The following CAST variants were observed in gnomAD, a reference collection of about 807,000 sequenced individuals.
The protein encoded by CAST is MIR583 host.
CAST carries 76 observed loss-of-function variants against 119.6 expected under a neutral mutation model. The observed-to-expected ratio is 0.64, with a 90% CI of 0.53 to 0.77. CAST has a LOEUF of 0.77. Ranked by LOEUF, CAST falls within the 30% of genes least tolerant of loss-of-function variation. CAST has a pLI of 0.00. For missense variants in CAST, 953 were observed against 946.5 expected, an observed-to-expected ratio of 1.01 and a Z score of -0.09; for synonymous variants, 319 against 331.6, an observed-to-expected ratio of 0.96 and a Z score of 0.41.
At chr5:96,627,745 G>A (rs1747750455) in intron 1 of CAST, among the ~76,000 whole-genome samples, 1 of 152,242 alleles carries the variant, frequency 6.6e-6, no homozygotes, top group Non-Finnish European at 1.5e-5. Flanking sequence ...ATGAGAGAAG[G>A]AGAGGAACCT....
intron 9 of CAST, among the ~76,000 whole-genome samples, chr5:96,732,064 T>C (rs1356424357): frequency 6.7e-6 from 1 of 149,980 alleles, no homozygotes; most frequent in East Asian, 2.0e-4. Context: ...TCTAGATCCC[T>C]GAGGAATCGC....
chr5:96,023,252 G>C, the CAST span, among the ~76,000 whole-genome samples: 1 of 152,186 alleles, frequency 6.6e-6, no homozygotes, highest in Non-Finnish European at 1.5e-5. Flanking sequence ...AGGAAACCTG[G>C]ATGTAAGAGG....
chr5:96,677,851 C>T (rs1334724812), intron 2 of CAST, among the ~76,000 whole-genome samples: 2 of 152,142 alleles, frequency 1.3e-5, no homozygotes, highest in Non-Finnish European at 2.9e-5. Context: ...TTCTAGAGCT[C>T]TTCTCTCTCC....
At chr5:96,029,225 A>G in the CAST span, among the ~76,000 whole-genome samples, 7 of 152,304 alleles carry the variant, frequency 4.6e-5, no homozygotes, top group African/African-American at 1.7e-4. Flanking sequence ...AGGTGAAACA[A>G]CTGAAAAATT....
chr5:96,276,174 A>G, the CAST span, among the ~76,000 whole-genome samples: 1 of 152,178 alleles, frequency 6.6e-6, no homozygotes, highest in Non-Finnish European at 1.5e-5. Flanking sequence ...GAGGAATGAT[A>G]GGGCCTGATT....
chr5:96,640,249 G>T (rs10063542), intron 1 of CAST, among the ~76,000 whole-genome samples: 3 of 152,170 alleles, frequency 2.0e-5, no homozygotes, highest in African/African-American at 4.8e-5. Context: ...CTTGGATTAC[G>T]CTGGGCTTTA....
intron 1 of CAST, among the ~76,000 whole-genome samples, chr5:96,640,483 C>T (rs1209636956): frequency 6.6e-6 from 1 of 152,206 alleles, no homozygotes; most frequent in East Asian, 1.9e-4. Context: ...AAAACACCTA[C>T]AAAATATCAT....
At chr5:96,520,526 AGT>A (rs952718225), upstream of CAST, among the ~76,000 whole-genome samples, 11 of 151,124 alleles carry the variant, frequency 7.3e-5, no homozygotes, top group Admixed American at 2.0e-4. Context: ...TGTTTGTGTC[AGT>A]GTGTGTGTGT....
chr5:96,153,405 A>G, the CAST span, among the ~76,000 whole-genome samples: 1 of 152,198 alleles, frequency 6.6e-6, no homozygotes, highest in East Asian at 1.9e-4. Flanking sequence ...TTCCTTGACT[A>G]GGCCCTGTCC....
intron 1 of CAST, among the ~76,000 whole-genome samples, chr5:96,559,562 TAACA>T (rs1365079886): frequency 4.0e-5 from 6 of 150,934 alleles, no homozygotes; most frequent in African/African-American, 1.2e-4. Context: ...TATACACCAA[TAACA>T]AACAGAGAGC....
In CAST at chr5:96,616,725, G is replaced by GCT. The variant is rs1482470800; in HGVS notation, c.61-58812_61-58811dup. Among the ~76,000 whole-genome samples, 579 of 138,348 alleles carry GCT rather than the reference G, an allele frequency of 4.2e-3. 9 individuals are homozygous for GCT. The highest frequency in any genetic ancestry group is 0.015 in the African/African-American group (544 of 35,122). The allele number at this position is 138,348 out of a possible 152,430, so 90.8% of individuals were successfully genotyped here. On this transcript the variant is annotated intron_variant, in intron 1 of 11. Transcript: ENST00000505143. ...GTGGCCTCTTAGACACCAAGCGCTC[G>GCT]CTCGCTCTCTCTCTCTCTCTATATA...
At chr5:96,102,681 C>G in the CAST span, among the ~76,000 whole-genome samples, 2 of 151,536 alleles carry the variant, frequency 1.3e-5, no homozygotes, top group African/African-American at 2.4e-5. Context: ...CTTGCCTAAC[C>G]AGCATTGTTT....
At chr5:96,630,244 G>A (rs911206098) in intron 1 of CAST, among the ~76,000 whole-genome samples, 13 of 152,126 alleles carry the variant, frequency 8.5e-5, no homozygotes, top group South Asian at 4.1e-4. Flanking sequence ...ATGCAGTGAC[G>A]GAAAAATGAA....
intron 3 of CAST, among the ~76,000 whole-genome samples, chr5:96,721,221 G>A (rs1362052115): frequency 6.6e-6 from 1 of 152,034 alleles, no homozygotes; most frequent in Admixed American, 6.6e-5. Context: ...TTGGTGGAAG[G>A]GAGTGTCCAG....
upstream of CAST, among the ~76,000 whole-genome samples, chr5:96,525,658 G>C (rs187623015): frequency 2.0e-5 from 3 of 151,998 alleles, no homozygotes; most frequent in Non-Finnish European, 4.4e-5. Context: ...ATTGTAATCC[G>C]GTGTTTCTGG....
chr5:96,334,585 C>G, the CAST span, among the ~76,000 whole-genome samples: 6 of 152,204 alleles, frequency 3.9e-5, no homozygotes, highest in Admixed American at 6.5e-5. Flanking sequence ...GTCACCCCCA[C>G]GGTCCTGTCA....
At chr5:96,554,629 T>A (rs1431746489) in intron 1 of CAST, among the ~76,000 whole-genome samples, 1 of 152,104 alleles carries the variant, frequency 6.6e-6, no homozygotes, top group Non-Finnish European at 1.5e-5. Flanking sequence ...ACCTACAGAA[T>A]GGGAGAAAAT....
At chr5:96,137,754 C>A in the CAST span, among the ~76,000 whole-genome samples, 1 of 151,970 alleles carries the variant, frequency 6.6e-6, no homozygotes, top group Non-Finnish European at 1.5e-5. Context: ...TTATGTTGAG[C>A]AATTTTTCAT....
Position 96,656,523 on chromosome 5 carries a change from G to A in CAST, c.61-19016G>A, listed in dbSNP as rs539485890. Among the ~76,000 whole-genome samples the A allele has an allele frequency of 1.5e-4, 23 of 152,236 alleles. No homozygotes were observed. The East Asian group carries it at 3.1e-3, about 20-fold the overall frequency. ...TTCTTCCTGTGCGGGCTGACTTTCC[G>A]GGTCCTCAGTTTCCACAGTGAAGCC... On this transcript the variant is annotated intron_variant, in intron 1 of 11. Transcript: ENST00000505143.
Sources: gnomAD v4.1 joint callset for allele counts (sites outside exome capture counted in the v4.1 genomes callset) on GRCh38, gnomAD v4.1.1 for gene constraint, MANE v1.5 for transcripts, NCBI Gene and HGNC (gene_info 2026-07-23, HGNC 2026-07-21) for gene names.